Variants in CAMKMT observed in about 807,000 individuals in gnomAD.
CAMKMT encodes CaM KMT.
CAMKMT carries 53 observed loss-of-function variants against 48.0 expected under a neutral mutation model. The observed-to-expected ratio is 1.10, with a 90% CI of 0.89 to 1.39. The LOEUF (loss-of-function observed/expected upper bound fraction) is 1.39, where lower values mean the gene tolerates loss of function less well. CAMKMT is among the 40% of genes most tolerant of loss of function. The pLI is 0.00. For missense variants in CAMKMT, 428 were observed against 402.7 expected (o/e 1.06, Z -0.54); for synonymous variants, 165 against 152.3 (o/e 1.08, Z -0.61).
chr2:44,399,903 C>A (rs559796800), intron 3 of CAMKMT, among the ~76,000 whole-genome samples: 42 of 152,142 alleles, frequency 2.8e-4, no homozygotes, highest in South Asian at 2.1e-4. Context: ...ACAATGCTTA[C>A]TTTCACTCCC....
intron 3 of CAMKMT, among the ~76,000 whole-genome samples, chr2:44,422,047 A>G (rs895929430): frequency 2.6e-5 from 4 of 152,104 alleles, no homozygotes; most frequent in African/African-American, 4.8e-5. Flanking sequence ...TCCCTGTCAA[A>G]TCTCACATTG....
At chr2:44,506,061 G>A (rs1490248867) in intron 3 of CAMKMT, among the ~76,000 whole-genome samples, 1 of 151,932 alleles carries the variant, frequency 6.6e-6, no homozygotes, top group African/African-American at 2.4e-5. Flanking sequence ...TCACCATGTT[G>A]CTCAGGCTGG....
chr2:44,416,453 G>T lies in CAMKMT; in HGVS notation c.376+26148G>T, dbSNP rs570577071. On this transcript the variant is annotated intron_variant, in intron 3 of 10. Coordinates refer to ENST00000378494, the MANE Select transcript of CAMKMT (RefSeq NM_024766.5). ...CTTCCAGTCAAATACTACTTCTCGG[G>T]TAAAAACTGATCTACTCTCTGTCAC... is the stretch of plus-strand genomic sequence containing the variant. Among the ~76,000 whole-genome samples the T allele has an allele frequency of 7.2e-5, 11 of 151,838 alleles. No homozygotes were observed. The South Asian group carries it at 2.3e-3, about 32-fold the overall frequency.
At chr2:44,602,915 C>G (rs1048912513) in intron 3 of CAMKMT, among the ~76,000 whole-genome samples, 2 of 152,006 alleles carry the variant, frequency 1.3e-5, no homozygotes, top group East Asian at 3.9e-4. Context: ...GTCAAACTAG[C>G]TATCTCTCCA....
chr2:44,601,578 G>C (rs1163479998), intron 3 of CAMKMT, among the ~76,000 whole-genome samples: 1 of 151,974 alleles, frequency 6.6e-6, no homozygotes, highest in Non-Finnish European at 1.5e-5. Flanking sequence ...CTATGTTTCT[G>C]GTAAGAGGAA....
chr2:44,560,972 A>G (rs1668293490), intron 3 of CAMKMT, among the ~76,000 whole-genome samples: 1 of 152,172 alleles, frequency 6.6e-6, no homozygotes, highest in Non-Finnish European at 1.5e-5. Context: ...TACCATTTTC[A>G]GAGAGAAAAT....
chr2:44,663,805 G>A (rs1265736829), intron 3 of CAMKMT, among the ~76,000 whole-genome samples: 1 of 152,156 alleles, frequency 6.6e-6, no homozygotes, highest in Non-Finnish European at 1.5e-5. Flanking sequence ...CACCTTCTAT[G>A]TGGTAACATT....
chr2:44,475,351 T>G (rs1258384006), intron 3 of CAMKMT, among the ~76,000 whole-genome samples: 1 of 151,166 alleles, frequency 6.6e-6, no homozygotes, highest in East Asian at 1.9e-4. Context: ...GGAGTCTTGC[T>G]CTGTCACCCA....
intron 3 of CAMKMT, among the ~76,000 whole-genome samples, chr2:44,491,752 T>C (rs1198945642): frequency 1.3e-5 from 2 of 152,176 alleles, no homozygotes; most frequent in Non-Finnish European, 2.9e-5. Flanking sequence ...TGCTGTTCTT[T>C]TACCTATTGC....
At chr2:44,384,978 C>T (rs1680635672) in intron 2 of CAMKMT, among the ~76,000 whole-genome samples, 1 of 151,968 alleles carries the variant, frequency 6.6e-6, no homozygotes, top group Non-Finnish European at 1.5e-5. Context: ...TTTTTGGTTC[C>T]ATATAAATTT....
intron 3 of CAMKMT, among the ~76,000 whole-genome samples, chr2:44,600,165 C>G (rs1349293084): frequency 6.6e-6 from 1 of 151,926 alleles, no homozygotes; most frequent in African/African-American, 2.4e-5. Context: ...TTTTCAGATT[C>G]AGAGTTTAAA....
At chr2:44,731,072 G>T (rs1355149668) in intron 7 of CAMKMT, among the ~76,000 whole-genome samples, 1 of 152,184 alleles carries the variant, frequency 6.6e-6, no homozygotes, top group Admixed American at 6.6e-5. Flanking sequence ...CGGGCACAGT[G>T]GCCCACACCT....
At chr2:44,517,811 T>C (rs1254693920) in intron 3 of CAMKMT, among the ~76,000 whole-genome samples, 1 of 152,242 alleles carries the variant, frequency 6.6e-6, no homozygotes, top group Non-Finnish European at 1.5e-5. Context: ...ATCACACCTA[T>C]TACTGAGTTG....
chr2:44,536,420 G>A (rs577542176), intron 3 of CAMKMT, among the ~76,000 whole-genome samples: 1 of 151,722 alleles, frequency 6.6e-6, no homozygotes, highest in African/African-American at 2.4e-5. Context: ...TGCCTCCTGG[G>A]TTCCAGTGAT....
At chr2:44,706,992 T>C (rs1343545059) in intron 5 of CAMKMT, among the ~76,000 whole-genome samples, 3 of 151,858 alleles carry the variant, frequency 2.0e-5, no homozygotes, top group Non-Finnish European at 4.4e-5. Context: ...CACAAAAAAA[T>C]TACCCTCACA....
At chr2:44,525,264 T>A (rs1278401435) in intron 3 of CAMKMT, among the ~76,000 whole-genome samples, 2 of 143,298 alleles carry the variant, frequency 1.4e-5, no homozygotes, top group Non-Finnish European at 3.0e-5. Context: ...TAAAGAGATA[T>A]TTTTTTTTTG....
intron 1 of CAMKMT, among the ~76,000 whole-genome samples, chr2:44,363,379 C>A (rs1678190519): frequency 6.6e-6 from 1 of 151,846 alleles, no homozygotes; most frequent in Non-Finnish European, 1.5e-5. Context: ...CCCCCTTCCC[C>A]CCTCCTTTTT....
chr2:44,758,546 C>T (rs1355463089), intron 9 of CAMKMT, among the ~76,000 whole-genome samples: 1 of 152,152 alleles, frequency 6.6e-6, no homozygotes, highest in Non-Finnish European at 1.5e-5. Context: ...CCTGTCATAA[C>T]ACTACAAGGG....
At chr2:44,559,980 C>A (rs1280360135) in intron 3 of CAMKMT, among the ~76,000 whole-genome samples, 2 of 152,128 alleles carry the variant, frequency 1.3e-5, no homozygotes, top group Non-Finnish European at 2.9e-5. Flanking sequence ...GGTTTTTAAA[C>A]TCATTTTATG....
Sources: allele counts gnomAD v4.1 joint callset (sites outside exome capture counted in the v4.1 genomes callset), GRCh38; gene constraint gnomAD v4.1.1; transcripts MANE v1.5; gene names NCBI Gene and HGNC (gene_info 2026-07-23, HGNC 2026-07-21).